The following GBE1 variants were observed in gnomAD, a reference collection of about 807,000 sequenced individuals.
The protein encoded by GBE1 is 1,4-alpha-glucan branching enzyme 1.
GBE1 carries 70 observed loss-of-function variants against 88.8 expected under a neutral mutation model. That is an observed-to-expected ratio of 0.79 (90% CI 0.65 to 0.96). The LOEUF (loss-of-function observed/expected upper bound fraction) is 0.96, where lower values mean the gene tolerates loss of function less well. Among genes scored for constraint, GBE1 ranks in the 40% least tolerant of loss-of-function variants. The pLI is 0.00. For synonymous variants in GBE1, 284 were observed against 300.1 expected (o/e 0.95, Z 0.56); for missense variants, 872 against 871.0 (o/e 1.00, Z -0.01).
intron 8 of GBE1, among the ~76,000 whole-genome samples, chr3:81,592,693 C>T (rs1348039178): frequency 6.6e-6 from 1 of 151,640 alleles, no homozygotes; most frequent in Non-Finnish European, 1.5e-5. Flanking sequence ...TATCCATAAA[C>T]TTTGGTTCAT....
intron 7 of GBE1, among the ~76,000 whole-genome samples, chr3:81,601,980 C>A (rs887976450): frequency 2.0e-5 from 3 of 152,074 alleles, no homozygotes; most frequent in African/African-American, 7.2e-5. Flanking sequence ...ACAGGAGAAA[C>A]AGACATTTTA....
At chr3:81,613,142 T>C in intron 7 of GBE1, 1 of 321,912 alleles carries the variant, frequency 3.1e-6, no homozygotes. Flanking sequence ...GGGAGCAAGC[T>C]GCAGTCTTTT....
intron 12 of GBE1, among the ~76,000 whole-genome samples, chr3:81,538,268 T>G (rs1265856010): frequency 6.6e-6 from 1 of 152,028 alleles, no homozygotes; most frequent in East Asian, 1.9e-4. Context: ...AGCTAGGATG[T>G]AATTCAAAAT....
chr3:81,757,680 C>T (rs752451491), intron 1 of GBE1, among the ~76,000 whole-genome samples: 1 of 152,148 alleles, frequency 6.6e-6, no homozygotes, highest in Non-Finnish European at 1.5e-5. Flanking sequence ...ATTCCAGACA[C>T]TGCGATTGGG....
intron 1 of GBE1, among the ~76,000 whole-genome samples, chr3:81,751,534 G>A (rs541614165): frequency 6.6e-6 from 1 of 152,328 alleles, no homozygotes; most frequent in South Asian, 2.1e-4. Flanking sequence ...CACTAAAAAA[G>A]ACATAGTAAG....
chr3:81,656,039 T>C (rs990418988), intron 3 of GBE1, among the ~76,000 whole-genome samples: 10 of 152,228 alleles, frequency 6.6e-5, no homozygotes, highest in Admixed American at 5.9e-4. Context: ...TCCACAGCTC[T>C]GCTTGTCATT....
At chr3:81,593,070 T>A (rs1703902721) in intron 8 of GBE1, among the ~76,000 whole-genome samples, 4 of 151,904 alleles carry the variant, frequency 2.6e-5, no homozygotes, top group Admixed American at 1.3e-4. Context: ...CATTAAAAAA[T>A]AATAATAATT....
At chr3:81,580,429 A>G (rs907813015) in intron 11 of GBE1, among the ~76,000 whole-genome samples, 4 of 152,156 alleles carry the variant, frequency 2.6e-5, no homozygotes, top group Non-Finnish European at 4.4e-5. Flanking sequence ...TCAGAGCCAG[A>G]CAATTAGGTC....
At chr3:81,620,440 C>T (rs1704311502) in intron 7 of GBE1, among the ~76,000 whole-genome samples, 1 of 151,910 alleles carries the variant, frequency 6.6e-6, no homozygotes, top group Admixed American at 6.6e-5. Context: ...CCTCGGCCTC[C>T]CAAGACATGG....
chr3:81,665,502 C>G (rs563605491), intron 3 of GBE1, among the ~76,000 whole-genome samples: 5 of 149,798 alleles, frequency 3.3e-5, no homozygotes, highest in South Asian at 2.1e-4. Flanking sequence ...CGCCACTGCA[C>G]TCCAGCCTGG....
Position 81,631,948 on chromosome 3 carries a change from T to C in GBE1, c.992+10833A>G, listed in dbSNP as rs529729010. Among the ~76,000 whole-genome samples, 38 of 152,224 alleles carry C rather than the reference T, an allele frequency of 2.5e-4. No individual in the cohort carries two copies. The Middle Eastern group carries it at 0.014, about 55-fold the overall frequency. On this transcript the variant is annotated intron_variant, in intron 7 of 15. Coordinates refer to ENST00000429644, the MANE Select transcript of GBE1 (RefSeq NM_000158.4). ...ACATTAGGTATTTCTCCAAATGCTATCCCTCCCCTTGTCTCCCACCCCCCA... is the reference window on the plus strand; with the variant it reads ...ACATTAGGTATTTCTCCAAATGCTACCCCTCCCCTTGTCTCCCACCCCCCA...
At chr3:81,604,982 A>G (rs532473778) in intron 7 of GBE1, among the ~76,000 whole-genome samples, 29 of 152,284 alleles carry the variant, frequency 1.9e-4, no homozygotes, top group Non-Finnish European at 3.5e-4. Context: ...TCATGCAAAC[A>G]TATGCCTCAA....
chr3:81,682,325 G>A (rs1353662035), intron 2 of GBE1, among the ~76,000 whole-genome samples: 1 of 152,092 alleles, frequency 6.6e-6, no homozygotes, highest in Admixed American at 6.6e-5. Context: ...AGCTGGGCAT[G>A]GTGGCACACG....
At chr3:81,591,015 T>A in intron 9 of GBE1, 22 bp downstream of exon 9, 1 of 1,597,294 alleles carries the variant, frequency 6.3e-7, no homozygotes, top group South Asian at 1.1e-5. Flanking sequence ...GGTCAGAAGG[T>A]AAGACTTCAC....
intron 14 of GBE1, among the ~76,000 whole-genome samples, chr3:81,527,503 T>C (rs1332844091): frequency 6.6e-6 from 1 of 151,956 alleles, no homozygotes; most frequent in African/African-American, 2.4e-5. Context: ...GAATCTACAA[T>C]GAACTCAAAC....
At chr3:81,503,844 G>A (rs769430414) in intron 14 of GBE1, among the ~76,000 whole-genome samples, 7 of 152,078 alleles carry the variant, frequency 4.6e-5, no homozygotes, top group Admixed American at 6.6e-5. Context: ...TTATATTTGA[G>A]ATAATTCATA....
chr3:81,510,964 G>A (rs1057419409), intron 14 of GBE1, among the ~76,000 whole-genome samples: 2 of 151,948 alleles, frequency 1.3e-5, no homozygotes, highest in African/African-American at 4.8e-5. Context: ...TAATTAGCTT[G>A]ATTGTAGTAA....
At chr3:81,683,590 T>C (rs1290882942) in intron 2 of GBE1, among the ~76,000 whole-genome samples, 3 of 152,202 alleles carry the variant, frequency 2.0e-5, no homozygotes, top group Non-Finnish European at 4.4e-5. Flanking sequence ...AAACCCAGAT[T>C]AATTAGTGGT....
intron 2 of GBE1, among the ~76,000 whole-genome samples, chr3:81,675,375 G>A (rs1705238863): frequency 6.6e-6 from 1 of 151,980 alleles, no homozygotes; most frequent in South Asian, 2.1e-4. Context: ...AGCCCAGGAA[G>A]GATGACCAGT....
Sources: gnomAD v4.1 joint callset for allele counts (sites outside exome capture counted in the v4.1 genomes callset) on GRCh38, gnomAD v4.1.1 for gene constraint, MANE v1.5 for transcripts, NCBI Gene and HGNC (gene_info 2026-07-23, HGNC 2026-07-21) for gene names.